Variants in ZEB1 observed in about 807,000 individuals in gnomAD.
ZEB1 encodes zinc finger E-box-binding homeobox 1.
ZEB1 carries 21 observed loss-of-function variants against 84.9 expected under a neutral mutation model. The observed-to-expected ratio is 0.25, with a 90% CI of 0.18 to 0.36. The LOEUF is 0.36. Among genes scored for constraint, ZEB1 ranks in the 10% least tolerant of loss-of-function variants. The pLI is 1.00. For missense variants in ZEB1, 1,104 were observed against 1,330.2 expected (o/e 0.83, Z 2.65); for synonymous variants, 420 against 471.1 (o/e 0.89, Z 1.41).
chr10:31,439,636 A>G (rs1345869966), intron 1 of ZEB1, among the ~76,000 whole-genome samples: 2 of 152,144 alleles, frequency 1.3e-5, no homozygotes, highest in African/African-American at 2.4e-5. Context: ...AGTATTTTTA[A>G]AAGAAATAAA....
intron 4 of ZEB1, among the ~76,000 whole-genome samples, 194 bp downstream of exon 4, chr10:31,502,703 C>T (rs903815461): frequency 1.3e-5 from 2 of 152,048 alleles, no homozygotes; most frequent in African/African-American, 4.8e-5. Context: ...ATTAGCTGCT[C>T]ATGTATTGTG....
chr10:31,493,537 C>T (rs2066833810), intron 2 of ZEB1, among the ~76,000 whole-genome samples: 2 of 151,940 alleles, frequency 1.3e-5, no homozygotes, highest in Non-Finnish European at 2.9e-5. Context: ...AAAATATGTA[C>T]AAGTAGATTT....
At chr10:31,427,716 G>A (rs1276607119) in intron 1 of ZEB1, among the ~76,000 whole-genome samples, 8 of 152,010 alleles carry the variant, frequency 5.3e-5, no homozygotes, top group Non-Finnish European at 4.4e-5. Flanking sequence ...AAAATTAGCC[G>A]GGCGTGGTGG....
rs1182232236 is a variant in ZEB1, at chr10:31,360,976, T to C, written c.58+41684T>C. 10 of 1,604,970 alleles carry C rather than the reference T, an allele frequency of 6.2e-6. No individual in the cohort carries two copies. In the East Asian group the frequency reaches 2.2e-4, roughly 36 times the overall value. Reference sequence around the variant, plus strand: ...AACTATGGCGACCGCCACGGAGCAGTGGGTTCTGGTGGAGATGGTACAGGC... The same window carrying C: ...AACTATGGCGACCGCCACGGAGCAGCGGGTTCTGGTGGAGATGGTACAGGC... On this transcript the variant is annotated intron_variant, in intron 1 of 8. Coordinates refer to ENST00000424869, the MANE Select transcript of ZEB1 (RefSeq NM_001174096.2).
chr10:31,526,756 G>A lies in ZEB1; in HGVS notation c.2870G>A (p.Gly957Glu). Reference sequence around the variant, plus strand: ...ATTGAACACATGCGATTACATTCTGGAGAAAAGCCCTATCAATGTGACAAA... The same window carrying A: ...ATTGAACACATGCGATTACATTCTGAAGAAAAGCCCTATCAATGTGACAAA... The part of the protein sequence containing the change: ...HLIEHMRLHS[G>E]EKPYQCDKCG... Residue 957 changes from glycine to glutamate, a missense_variant, in exon 9 of 9, where the codon GGA (glycine) becomes GAA (glutamate). By Grantham distance (98) the Gly-to-Glu change is moderately conservative. Coordinates refer to ENST00000424869, the MANE Select transcript of ZEB1 (RefSeq NM_001174096.2). The A allele has an allele frequency of 6.2e-7, 1 of 1,614,018 alleles. No individual in the cohort carries two copies. The highest frequency in any genetic ancestry group is 8.5e-7 in the Non-Finnish European group (1 of 1,180,000).
chr10:31,517,514 A>G (rs1565190062), intron 6 of ZEB1, among the ~76,000 whole-genome samples: 1 of 149,618 alleles, frequency 6.7e-6, no homozygotes, highest in Non-Finnish European at 1.5e-5. Flanking sequence ...AAAAAAAAAA[A>G]GTCAGTATAC....
chr10:31,514,189 G>T (rs1473931441), intron 5 of ZEB1, among the ~76,000 whole-genome samples: 1 of 152,108 alleles, frequency 6.6e-6, no homozygotes, highest in Non-Finnish European at 1.5e-5. Flanking sequence ...GTGAGCTTTA[G>T]ACAGGTTATT....
intron 1 of ZEB1, among the ~76,000 whole-genome samples, chr10:31,337,951 G>A (rs2038528911): frequency 6.6e-6 from 1 of 151,998 alleles, no homozygotes; most frequent in Admixed American, 6.6e-5. Context: ...CCATAGTGTT[G>A]GGATTACAGG....
At chr10:31,411,432 C>G (rs1173799419) in intron 1 of ZEB1, among the ~76,000 whole-genome samples, 4 of 152,122 alleles carry the variant, frequency 2.6e-5, no homozygotes, top group Non-Finnish European at 5.9e-5. Flanking sequence ...GAGATCGAGA[C>G]CATCCTGGCT....
chr10:31,446,224 C>G (rs2059751325), intron 1 of ZEB1, among the ~76,000 whole-genome samples: 1 of 152,142 alleles, frequency 6.6e-6, no homozygotes, highest in Admixed American at 6.5e-5. Context: ...GTAGTATTCT[C>G]TGATGGTAGT....
chr10:31,440,016 C>T (rs1030171104), intron 1 of ZEB1, among the ~76,000 whole-genome samples: 2 of 152,108 alleles, frequency 1.3e-5, no homozygotes, highest in South Asian at 2.1e-4. Flanking sequence ...AGTGACAGTA[C>T]TCGAAGTGAG....
chr10:31,322,961 C>T (rs2034517362), intron 1 of ZEB1, among the ~76,000 whole-genome samples: 1 of 152,028 alleles, frequency 6.6e-6, no homozygotes, highest in African/African-American at 2.4e-5. Context: ...TTGGGACCTT[C>T]AGTATAATTC....
At chr10:31,319,377 G>A in intron 1 of ZEB1, 85 bp downstream of exon 1, 3 of 1,379,648 alleles carry the variant, frequency 2.2e-6, no homozygotes, top group East Asian at 2.4e-5. Flanking sequence ...GGGGCGAGCC[G>A]GGCTGGGGGC....
intron 1 of ZEB1, among the ~76,000 whole-genome samples, chr10:31,435,461 T>C (rs1443900568): frequency 6.6e-6 from 1 of 152,186 alleles, no homozygotes; most frequent in African/African-American, 2.4e-5. Flanking sequence ...ACAAGATAAT[T>C]ACAAACTACG....
At chr10:31,518,313 T>A (rs2071574718) in intron 6 of ZEB1, among the ~76,000 whole-genome samples, 1 of 152,156 alleles carries the variant, frequency 6.6e-6, no homozygotes, top group Non-Finnish European at 1.5e-5. Flanking sequence ...CTGTGCAGAA[T>A]GTTTGAAGGA....
Position 31,424,822 on chromosome 10 carries a change from A to T in ZEB1, c.59-36215A>T, listed in dbSNP as rs758382805. On this transcript the variant is annotated intron_variant, in intron 1 of 8. Coordinates refer to ENST00000424869, the MANE Select transcript of ZEB1 (RefSeq NM_001174096.2). ...TTTTTCTCTTTTAAGTGGTTTACCA[A>T]ATCTTGATATTTTATTGCCTTATTT... Among the ~76,000 whole-genome samples the T allele has an allele frequency of 2.6e-4, 40 of 152,088 alleles. 1 individual carries two copies. The highest frequency in any genetic ancestry group is 4.7e-4 in the Non-Finnish European group (32 of 67,838).
chr10:31,415,076 T>C (rs2054973765), intron 1 of ZEB1, among the ~76,000 whole-genome samples: 1 of 152,156 alleles, frequency 6.6e-6, no homozygotes, highest in African/African-American at 2.4e-5. Context: ...CAATCCACTT[T>C]GCCCACCTCC....
At position 31,456,787 on chromosome 10, in the gene ZEB1, AGT is replaced by A. The variant is rs377053344; in HGVS notation, c.59-4249_59-4248del. On this transcript the variant is annotated intron_variant, in intron 1 of 8. Coordinates refer to ENST00000424869, the MANE Select transcript of ZEB1 (RefSeq NM_001174096.2). ...TGCTGTAAAGATTTACCAAGCTAAT[AGT>A]AGTAGCAGAAAACACTTCTCTAGTC... Among the ~76,000 whole-genome samples, 331 of 152,244 alleles carry A rather than the reference AGT, an allele frequency of 2.2e-3. 1 individual carries two copies. The highest frequency in any genetic ancestry group is 7.7e-3 in the African/African-American group (320 of 41,572).
intron 1 of ZEB1, among the ~76,000 whole-genome samples, chr10:31,378,838 G>C (rs1386630741): frequency 6.6e-6 from 1 of 151,986 alleles, no homozygotes; most frequent in Non-Finnish European, 1.5e-5. Context: ...ATAACCACTA[G>C]AACAGTGGTG....
Sources: allele counts gnomAD v4.1 joint callset (sites outside exome capture counted in the v4.1 genomes callset), GRCh38; gene constraint gnomAD v4.1.1; transcripts MANE v1.5; gene names NCBI Gene and HGNC (gene_info 2026-07-23, HGNC 2026-07-21).